RHEB: variants seen among roughly 807,000 people sequenced by gnomAD.
The protein encoded by RHEB is Ras homolog, mTORC1 binding, also known as GTP-binding protein Rheb.
In RHEB, 2 loss-of-function variants were observed where a neutral mutation model predicts 28.8. The ratio of observed to expected loss-of-function variants is 0.07; its 90% CI spans 0.03 to 0.22. RHEB has a LOEUF of 0.22. Among genes scored for constraint, RHEB ranks in the 10% least tolerant of loss-of-function variants. RHEB has a pLI of 1.00. For missense variants in RHEB, 76 were observed against 219.9 expected (o/e 0.35, Z 4.14); for synonymous variants, 69 against 77.3 (o/e 0.89, Z 0.56).
intron 1 of RHEB, among the ~76,000 whole-genome samples, chr7:151,513,249 G>C (rs576394864): frequency 1.6e-4 from 25 of 152,302 alleles, no homozygotes; most frequent in African/African-American, 6.0e-4. Context: ...ATCATGGAAT[G>C]CCTTTTTTAC....
chr7:151,476,732 A>C (rs532083942), intron 4 of RHEB, among the ~76,000 whole-genome samples: 1 of 152,236 alleles, frequency 6.6e-6, no homozygotes, highest in Non-Finnish European at 1.5e-5. Context: ...ATAAGCTGTC[A>C]CCAATGCCCA....
intron 1 of RHEB, 38 bp from the exon 2 acceptor site, chr7:151,491,052 A>G (rs187885142): frequency 1.1e-5 from 17 of 1,493,904 alleles, no homozygotes; most frequent in Non-Finnish European, 1.5e-5. Flanking sequence ...GTGTTGGCAT[A>G]TGAAGGTAAA....
At chr7:151,473,466 G>C (rs1244253527) in intron 4 of RHEB, among the ~76,000 whole-genome samples, 3 of 152,186 alleles carry the variant, frequency 2.0e-5, no homozygotes, top group Non-Finnish European at 4.4e-5. Flanking sequence ...GCCACACCCA[G>C]ATTCCTGACC....
At position 151,483,070 on chromosome 7, in the gene RHEB, G is replaced by GC. The variant is rs199879994; in HGVS notation, c.192+1666dup. The stretch of plus-strand genomic sequence containing the variant: ...GCTAAAGCACACTGCATCACCACCA[G>GC]CAGGGAGTGTGTAGGGTGAGTGAAG... On this transcript the variant is annotated intron_variant, in intron 3 of 7. Transcript: ENST00000262187. Among the ~76,000 whole-genome samples the GC allele has an allele frequency of 6.5e-4, 99 of 152,306 alleles. No individual in the cohort carries two copies. In the East Asian group the frequency reaches 0.019, roughly 28 times the overall value.
At chr7:151,482,732 T>C (rs1802400365) in intron 3 of RHEB, among the ~76,000 whole-genome samples, 1 of 152,190 alleles carries the variant, frequency 6.6e-6, no homozygotes, top group Admixed American at 6.5e-5. Flanking sequence ...CCCAACATAA[T>C]TATTATTAGC....
chr7:151,496,629 C>T (rs1802677096), intron 1 of RHEB, among the ~76,000 whole-genome samples: 1 of 152,142 alleles, frequency 6.6e-6, no homozygotes, highest in Admixed American at 6.5e-5. Context: ...ATATACTAAA[C>T]CATGACCTTG....
intron 2 of RHEB, among the ~76,000 whole-genome samples, chr7:151,488,811 T>G (rs535765176): frequency 6.6e-6 from 1 of 152,190 alleles, no homozygotes; most frequent in African/African-American, 2.4e-5. Context: ...CTCAAAAAAG[T>G]AGGGTCATAT....
At chr7:151,480,192 G>A (rs1251928922) in intron 3 of RHEB, among the ~76,000 whole-genome samples, 3 of 152,106 alleles carry the variant, frequency 2.0e-5, no homozygotes, top group Non-Finnish European at 4.4e-5. Context: ...ATTACCCTAT[G>A]TCTAAAACAA....
At chr7:151,508,101 G>A (rs1411237877) in intron 1 of RHEB, among the ~76,000 whole-genome samples, 6 of 152,154 alleles carry the variant, frequency 3.9e-5, no homozygotes, top group African/African-American at 1.4e-4. Flanking sequence ...TTCCTAGAAC[G>A]GTGGCCAATC....
intron 1 of RHEB, among the ~76,000 whole-genome samples, chr7:151,506,849 G>T (rs1190267390): frequency 1.3e-5 from 2 of 152,144 alleles, no homozygotes; most frequent in Non-Finnish European, 2.9e-5. Context: ...CCTTTATCTG[G>T]TGGGCTGGTG....
At chr7:151,493,968 G>A (rs1255623292) in intron 1 of RHEB, among the ~76,000 whole-genome samples, 2 of 152,030 alleles carry the variant, frequency 1.3e-5, no homozygotes, top group African/African-American at 4.8e-5. Context: ...AAGAAAGAAG[G>A]GAACAAACTT....
chr7:151,501,286 TG>T (rs1170186797), intron 1 of RHEB, among the ~76,000 whole-genome samples: 2 of 152,138 alleles, frequency 1.3e-5, no homozygotes, highest in Admixed American at 1.3e-4. Flanking sequence ...ATTAAGAAAG[TG>T]AGCAAAAGAT....
intron 2 of RHEB, among the ~76,000 whole-genome samples, chr7:151,488,190 A>G (rs370129314): frequency 1.3e-5 from 2 of 152,240 alleles, no homozygotes; most frequent in East Asian, 1.9e-4. Context: ...TTAACACTAC[A>G]GTAGATAATG....
chr7:151,502,580 A>C (rs1476040633), intron 1 of RHEB: 2 of 1,235,334 alleles, frequency 1.6e-6, no homozygotes, highest in Non-Finnish European at 2.4e-6. Flanking sequence ...AAATTCCATA[A>C]AGGGGCTCTT....
chr7:151,493,136 T>C (rs185779616), intron 1 of RHEB, among the ~76,000 whole-genome samples: 1 of 152,144 alleles, frequency 6.6e-6, no homozygotes, highest in Non-Finnish European at 1.5e-5. Context: ...CCACCGCGCC[T>C]GCCCTAAATT....
rs141836769 is a variant in RHEB at position 151,488,357 on chromosome 7, CTGAG to C, written c.124+2582_124+2585del. Among the ~76,000 whole-genome samples, 1,449 of 152,320 alleles carry C rather than the reference CTGAG, an allele frequency of 9.5e-3. 19 individuals carry two copies. Among genetic ancestry groups the C allele is most frequent in the African/African-American group, 0.033 (1,366 of 41,568 alleles). On this transcript the variant is annotated intron_variant, in intron 2 of 7. Transcript: ENST00000262187. ...GACACTTCACTGAAATGTGTCACCACTGAGTGTTTGCTATAACAGCTTGTTCTAA... is the reference window on the plus strand; with the variant it reads ...GACACTTCACTGAAATGTGTCACCACTGTTTGCTATAACAGCTTGTTCTAA...
chr7:151,502,457 G>A (rs1802789677), intron 1 of RHEB: 1 of 835,180 alleles, frequency 1.2e-6, no homozygotes, highest in South Asian at 1.3e-5. Context: ...ACCTCCAGAT[G>A]GTCTGGTTGT....
chr7:151,479,537 G>C (rs1802340042), intron 3 of RHEB, among the ~76,000 whole-genome samples: 2 of 151,988 alleles, frequency 1.3e-5, no homozygotes. Context: ...AAAAAAACTA[G>C]CTGGGCGTGG....
Position 151,474,613 on chromosome 7 carries a change from A to G in RHEB, c.275+2720T>C, listed in dbSNP as rs187246572. ...TGTCCAAAGTTGTTAGTGGGGATAA[A>G]TGAAAACCCAAATCTCACATCTCTC... On this transcript the variant is annotated intron_variant, in intron 4 of 7. Coordinates refer to ENST00000262187, the MANE Select transcript of RHEB (RefSeq NM_005614.4). 3.9e-5 allele frequency among the ~76,000 whole-genome samples: 6 copies of G among 152,352 alleles called. No homozygotes were observed. The East Asian group carries it at 1.2e-3, about 29-fold the overall frequency.
Sources: gnomAD v4.1 joint callset for allele counts (sites outside exome capture counted in the v4.1 genomes callset) on GRCh38, gnomAD v4.1.1 for gene constraint, MANE v1.5 for transcripts, NCBI Gene and HGNC (gene_info 2026-07-23, HGNC 2026-07-21) for gene names.